SRD5A2: variants seen among roughly 807,000 people sequenced by gnomAD.
SRD5A2 encodes steroid 5 alpha-reductase 2, also known as 3-oxo-5-alpha-steroid 4-dehydrogenase 2.
In SRD5A2, 30 loss-of-function variants were observed where a neutral mutation model predicts 27.4. That is an observed-to-expected ratio of 1.10 (90% CI 0.82 to 1.49). The LOEUF is 1.49. SRD5A2 is among the 40% of genes most tolerant of loss of function. The pLI is 0.00. For missense variants in SRD5A2, 348 were observed against 323.4 expected (o/e 1.08, Z -0.58); for synonymous variants, 141 against 133.6 (o/e 1.06, Z -0.38).
In SRD5A2 at chr2:31,526,120, T is replaced by A; in HGVS notation, c.*76A>T. On this transcript the variant is annotated 3_prime_UTR_variant, in exon 5 of 5. Transcript: ENST00000622030. ...ACATATATACGGGACTATTATATCA[T>A]GAAAATTACAGTTTCAGCAGCTTGA... The A allele has an allele frequency of 1.0e-6, 1 of 1,003,020 alleles. No homozygotes were observed. Among genetic ancestry groups the A allele is most frequent in the South Asian group, 1.4e-5 (1 of 70,562 alleles). 62.1% of individuals were successfully genotyped at this position (1,003,020 alleles called of 1,614,324 possible). A position where few individuals can be genotyped will look rare whatever the true frequency, so the allele number is the denominator to read the frequency against.
the SRD5A2 span, among the ~76,000 whole-genome samples, chr2:31,607,476 A>G: frequency 6.6e-6 from 1 of 151,946 alleles, no homozygotes; most frequent in Admixed American, 6.6e-5. Flanking sequence ...TATAGATGAG[A>G]AGAAAGTGGA....
At chr2:31,623,683 T>G in the SRD5A2 span, among the ~76,000 whole-genome samples, 1 of 152,114 alleles carries the variant, frequency 6.6e-6, no homozygotes, top group African/African-American at 2.4e-5. Flanking sequence ...CTTGAGCCAC[T>G]TTTCAAGGGG....
At chr2:31,652,981 T>G in the SRD5A2 span, among the ~76,000 whole-genome samples, 11 of 152,318 alleles carry the variant, frequency 7.2e-5, no homozygotes, top group East Asian at 2.1e-3. Context: ...ATTTGCTCCT[T>G]CCTGTTTATT....
intron 3 of SRD5A2, among the ~76,000 whole-genome samples, chr2:31,530,424 T>C (rs930613056): frequency 2.0e-5 from 3 of 152,198 alleles, no homozygotes; most frequent in African/African-American, 4.8e-5. Flanking sequence ...CCCTACGCCC[T>C]GGGAGGAACC....
intron 1 of SRD5A2, among the ~76,000 whole-genome samples, chr2:31,540,725 G>T (rs910966490): frequency 2.0e-5 from 3 of 152,212 alleles, no homozygotes; most frequent in Admixed American, 1.3e-4. Flanking sequence ...TTTCAGCTCA[G>T]TCAATTTTAG....
chr2:31,639,249 T>G, the SRD5A2 span, among the ~76,000 whole-genome samples: 4 of 152,032 alleles, frequency 2.6e-5, no homozygotes, highest in Admixed American at 6.6e-5. Flanking sequence ...CTCCCATATT[T>G]TTACTTTTAG....
chr2:31,527,527 C>G (rs531637958), intron 4 of SRD5A2: 1 of 152,286 alleles, frequency 6.6e-6, no homozygotes, highest in African/African-American at 2.4e-5. Context: ...GATGAGGCCT[C>G]AATTTGGGTT....
the SRD5A2 span, among the ~76,000 whole-genome samples, chr2:31,640,772 GA>G: frequency 1.3e-5 from 2 of 152,064 alleles, no homozygotes; most frequent in Non-Finnish European, 2.9e-5. Flanking sequence ...CAGGGATGGG[GA>G]TGGTAGTCCT....
rs1665961569 is a variant in SRD5A2 at position 31,533,588 on chromosome 2, G to C, written c.445+15C>G. 1.3e-6 allele frequency: 2 copies of C among 1,550,548 alleles called. No homozygotes were observed. Among genetic ancestry groups the C allele is most frequent in the Admixed American group, 3.9e-5 (2 of 50,978 alleles). ...TTAGCTGGGAAGTAGGTGAGAAGTG[G>C]GCAGATTCACTTACCCAAGCTAAAC... On this transcript the variant is annotated intron_variant, in intron 2 of 4. Transcript: ENST00000622030.
chr2:31,644,169 A>G, the SRD5A2 span, among the ~76,000 whole-genome samples: 6 of 152,218 alleles, frequency 3.9e-5, no homozygotes, highest in African/African-American at 1.4e-4. Flanking sequence ...TAAAAATACC[A>G]AAGTAATATG....
the SRD5A2 span, among the ~76,000 whole-genome samples, chr2:31,589,792 C>T: frequency 6.6e-6 from 1 of 152,050 alleles, no homozygotes; most frequent in Non-Finnish European, 1.5e-5. Flanking sequence ...GAAGCTGCAG[C>T]TGAAGGGAAG....
chr2:31,614,506 T>C, the SRD5A2 span, among the ~76,000 whole-genome samples: 1 of 152,212 alleles, frequency 6.6e-6, no homozygotes, highest in Non-Finnish European at 1.5e-5. Context: ...CTGTGGTTTT[T>C]CCAGGTACAC....
chr2:31,540,629 A>T (rs1411645026), intron 1 of SRD5A2, among the ~76,000 whole-genome samples: 1 of 152,226 alleles, frequency 6.6e-6, no homozygotes, highest in Non-Finnish European at 1.5e-5. Flanking sequence ...AGTATGTCTG[A>T]TATAACTGTT....
At chr2:31,605,316 A>G in the SRD5A2 span, among the ~76,000 whole-genome samples, 1 of 151,774 alleles carries the variant, frequency 6.6e-6, no homozygotes, top group East Asian at 1.9e-4. Context: ...ATTAAAAAGC[A>G]TCTTCACAGT....
the SRD5A2 span, among the ~76,000 whole-genome samples, chr2:31,636,920 G>A: frequency 6.6e-6 from 1 of 151,938 alleles, no homozygotes; most frequent in African/African-American, 2.4e-5. Flanking sequence ...CAGGGATATT[G>A]GCCTCTATTT....
chr2:31,525,437 T>C lies in SRD5A2; in HGVS notation c.*759A>G, dbSNP rs572080553. The C allele has an allele frequency of 8.8e-6, 2 of 226,954 alleles. No homozygotes were observed. The highest frequency in any genetic ancestry group is 1.8e-5 in the Non-Finnish European group (2 of 114,110). 14.1% of individuals were successfully genotyped at this position (226,954 alleles called of 1,614,324 possible). A position where few individuals can be genotyped will look rare whatever the true frequency, so the allele number is the denominator to read the frequency against. On this transcript the variant is annotated 3_prime_UTR_variant, in exon 5 of 5. Transcript: ENST00000622030. ...CATCCAGGGTCATGTTGTTCTCTACTCTCTCATAAGCCACCCAGGTTCATG... is the reference window on the plus strand; with the variant it reads ...CATCCAGGGTCATGTTGTTCTCTACCCTCTCATAAGCCACCCAGGTTCATG...
At chr2:31,535,723 C>T (rs568536089) in intron 1 of SRD5A2, among the ~76,000 whole-genome samples, 26 of 152,278 alleles carry the variant, frequency 1.7e-4, no homozygotes, top group Middle Eastern at 3.4e-3. Context: ...AAATAATTAC[C>T]TTCTCTGTTT....
Position 31,525,228 on chromosome 2 carries a change from G to T in SRD5A2, c.*968C>A, listed in dbSNP as rs1558353976. ...AAGGAAGAAGCTCCAGGAAAGGAAA[G>T]TTGCTTGGGGCTTCTGCTGTACTTC... is the stretch of plus-strand genomic sequence containing the variant. On this transcript the variant is annotated 3_prime_UTR_variant, in exon 5 of 5. Transcript: ENST00000622030. 4.5e-6 allele frequency: 1 copy of T among 222,290 alleles called. No homozygotes were observed. Among genetic ancestry groups the T allele is most frequent in the Non-Finnish European group, 9.0e-6 (1 of 111,220 alleles). The allele number at this position is 222,290 out of a possible 1,614,324, so 13.8% of individuals were successfully genotyped here.
At chr2:31,589,492 G>T in the SRD5A2 span, among the ~76,000 whole-genome samples, 1 of 152,190 alleles carries the variant, frequency 6.6e-6, no homozygotes, top group African/African-American at 2.4e-5. Context: ...AGACACCTTG[G>T]CACCTGCCCT....
Sources: gnomAD v4.1 joint callset for allele counts (sites outside exome capture counted in the v4.1 genomes callset) on GRCh38, gnomAD v4.1.1 for gene constraint, MANE v1.5 for transcripts, NCBI Gene and HGNC (gene_info 2026-07-23, HGNC 2026-07-21) for gene names.